DAZAP1: variants seen among roughly 807,000 people sequenced by gnomAD.
The protein encoded by DAZAP1 is DAZ-associated protein 1.
In DAZAP1, 6 loss-of-function variants were observed where a neutral mutation model predicts 60.1. The observed-to-expected ratio is 0.10, with a 90% CI of 0.05 to 0.20. The LOEUF (loss-of-function observed/expected upper bound fraction) is 0.20. Among genes scored for constraint, DAZAP1 ranks in the 10% least tolerant of loss-of-function variants. DAZAP1 has a pLI of 1.00. For synonymous variants in DAZAP1, 235 were observed against 215.9 expected (o/e 1.09, Z -0.78); for missense variants, 366 against 560.4 (o/e 0.65, Z 3.50).
chr19:1,420,391 G>A (rs3207744), intron 4 of DAZAP1, among the ~76,000 whole-genome samples: 1 of 142,080 alleles, frequency 7.0e-6, no homozygotes, highest in South Asian at 2.2e-4. Flanking sequence ...AAACCATCCC[G>A]ACCGTCACGG....
At position 1,407,741 on chromosome 19, in the gene DAZAP1, C is replaced by T; in HGVS notation, c.-33C>T. ...CGGAGGCGGGAGCGAGCGAGGAGGC[C>T]CGGGAGCGCCGAGCGTCGCCGCCGC... On this transcript the variant is annotated 5_prime_UTR_variant, in exon 1 of 12. Transcript: ENST00000233078. 1.9e-6 allele frequency: 2 copies of T among 1,078,856 alleles called. No individual in the cohort carries two copies. The highest frequency in any genetic ancestry group is 4.1e-5 in the South Asian group (1 of 24,280). 66.8% of individuals were successfully genotyped at this position (1,078,856 alleles called of 1,614,324 possible). A position where few individuals can be genotyped will look rare whatever the true frequency, so the allele number is the denominator to read the frequency against.
rs550694188 is a variant in DAZAP1 at position 1,421,037 on chromosome 19, C to T, written c.304-111C>T. 8.2e-4 allele frequency: 740 copies of T among 898,728 alleles called. 7 individuals carry two copies. The highest frequency in any genetic ancestry group is 5.7e-3 in the Middle Eastern group (23 of 4,010). 55.7% of individuals were successfully genotyped at this position (898,728 alleles called of 1,614,324 possible). ...GGGCTTGTGGAGTGTTCTGCTCTGG[C>T]TTTCAGCTGACTCTTTAAACCAGCG... On this transcript the variant is annotated intron_variant, in intron 4 of 11. Coordinates refer to ENST00000233078, the MANE Select transcript of DAZAP1 (RefSeq NM_018959.4).
At position 1,433,748 on chromosome 19, in the gene DAZAP1, C is replaced by T; in HGVS notation, c.1049-989C>T. On this transcript the variant is annotated intron_variant, in intron 11 of 11. Coordinates refer to ENST00000233078, the MANE Select transcript of DAZAP1 (RefSeq NM_018959.4). The surrounding 1 kb of genome is among the most constrained non-coding windows in gnomAD (Gnocchi z 6.1). ...TCTCGTCTCTTGCCAGGCCTGGGTT[C>T]CTATTCTCCAGCCCCGCCGGGCTGC... 6.2e-7 allele frequency: 1 copy of T among 1,613,788 alleles called. No homozygotes were observed. Among genetic ancestry groups the T allele is most frequent in the South Asian group, 1.1e-5 (1 of 91,082 alleles).
In DAZAP1 at chr19:1,434,166, G is replaced by A. The variant is rs536616288; in HGVS notation, c.1049-571G>A. ...CTGAGGTCGGCTGTGTGGGCCGGAC[G>A]GGCTGCAGGGTGTGCTGGCCCCTCA... On this transcript the variant is annotated intron_variant, in intron 11 of 11. Coordinates refer to ENST00000233078, the MANE Select transcript of DAZAP1 (RefSeq NM_018959.4). This position sits in a 1 kb window ranked among gnomAD's most constrained non-coding sequence, Gnocchi z 8.0. 9 of 286,086 alleles carry A rather than the reference G, an allele frequency of 3.1e-5. No homozygotes were observed. In the East Asian group the frequency reaches 4.1e-4, roughly 13 times the overall value. 17.7% of individuals were successfully genotyped at this position (286,086 alleles called of 1,614,324 possible). A position where few individuals can be genotyped will look rare whatever the true frequency, so the allele number is the denominator to read the frequency against.
chr19:1,432,542 G>A lies in DAZAP1; in HGVS notation c.900G>A (p.Pro300=), dbSNP rs150043409. 213 of 1,613,686 alleles carry A rather than the reference G, an allele frequency of 1.3e-4. 1 individual carries two copies. In the African/African-American group the frequency reaches 2.5e-3, roughly 19 times the overall value. The part of the protein sequence containing the change: ...FSFGYGPPPP[P]PDQFAPPGVP... The stretch of plus-strand genomic sequence containing the variant: ...TTGGCTACGGGCCTCCACCTCCACC[G>A]CCAGATCAGTTTGCCCCTCCGGGGG... Residue 300 remains proline, a synonymous_variant, in exon 11 of 12, where the codon CCG becomes CCA. Transcript: ENST00000233078. This position sits in a 1 kb window ranked among gnomAD's most constrained non-coding sequence, Gnocchi z 4.9.
At chr19:1,411,151 C>T (rs142026380) in intron 1 of DAZAP1, among the ~76,000 whole-genome samples, 134 of 152,288 alleles carry the variant, frequency 8.8e-4, no homozygotes, top group African/African-American at 3.2e-3. Context: ...TGTTGCAGTG[C>T]GGGGAGTGAT....
chr19:1,427,377 G>A (rs1055130682), intron 7 of DAZAP1: 1 of 152,268 alleles, frequency 6.6e-6, no homozygotes, highest in South Asian at 2.1e-4. Context: ...CCTCAGTGTG[G>A]GTCTCGCCTT....
intron 1 of DAZAP1, among the ~76,000 whole-genome samples, chr19:1,413,274 G>A (rs545321698): frequency 3.1e-4 from 47 of 152,380 alleles, no homozygotes; most frequent in African/African-American, 1.1e-3. Flanking sequence ...GGACTCCGAC[G>A]TTTACTTGTG....
rs1169316428 is a variant in DAZAP1, at chr19:1,433,534, A to C, written c.1048+844A>C. 7.1e-5 allele frequency: 37 copies of C among 523,802 alleles called. No individual in the cohort carries two copies. The highest frequency in any genetic ancestry group is 1.1e-3 in the Middle Eastern group (2 of 1,884). The allele number at this position is 523,802 out of a possible 1,614,324, so 32.4% of individuals were successfully genotyped here. On this transcript the variant is annotated intron_variant, in intron 11 of 11. Coordinates refer to ENST00000233078, the MANE Select transcript of DAZAP1 (RefSeq NM_018959.4). The surrounding 1 kb of genome is among the most constrained non-coding windows in gnomAD (Gnocchi z 6.1). ...CGAGGTGCCCGCCCACCCACCTCGC[A>C]TGGCTGTGGTTCCCCTGCCCCCACG... is the stretch of plus-strand genomic sequence containing the variant.
At position 1,422,292 on chromosome 19, in the gene DAZAP1, A is replaced by G. The variant is rs1424170752; in HGVS notation, c.415-56A>G. 2.6e-6 allele frequency: 4 copies of G among 1,545,664 alleles called. No individual in the cohort carries two copies. The highest frequency in any genetic ancestry group is 2.7e-6 in the Non-Finnish European group (3 of 1,119,298). On this transcript the variant is annotated intron_variant, in intron 5 of 11. Coordinates refer to ENST00000233078, the MANE Select transcript of DAZAP1 (RefSeq NM_018959.4). The surrounding 1 kb of genome is among the most constrained non-coding windows in gnomAD (Gnocchi z 4.5). ...CGTGGGAACAGGCTGTGCCCTCGGA[A>G]GACCACCTGTGGTGCTGGCCCTGGT...
intron 1 of DAZAP1, among the ~76,000 whole-genome samples, chr19:1,408,841 G>T (rs927110309): frequency 1.3e-5 from 2 of 152,214 alleles, no homozygotes; most frequent in African/African-American, 2.4e-5. Context: ...CCGCAGCGAC[G>T]TCGTTTTAGA....
At chr19:1,409,574 C>A (rs547080398) in intron 1 of DAZAP1, among the ~76,000 whole-genome samples, 8 of 152,362 alleles carry the variant, frequency 5.3e-5, no homozygotes, top group African/African-American at 1.9e-4. Context: ...CCACTGCTTT[C>A]TAAGTCAGAC....
rs1352073438 is a variant in DAZAP1 at position 1,418,059 on chromosome 19, T to G, written c.71-145T>G. On this transcript the variant is annotated intron_variant, in intron 2 of 11. Transcript: ENST00000233078. This position sits in a 1 kb window ranked among gnomAD's most constrained non-coding sequence, Gnocchi z 5.7. ...TGTGTTGGGCAGAATTCCCCAGCGC[T>G]TCCCGTACACCCCCCACCCCCAGTG... is the stretch of plus-strand genomic sequence containing the variant. 2 of 774,352 alleles carry G rather than the reference T, an allele frequency of 2.6e-6. No homozygotes were observed. The highest frequency in any genetic ancestry group is 4.1e-6 in the Non-Finnish European group (2 of 483,074). The allele number at this position is 774,352 out of a possible 1,614,324, so 48.0% of individuals were successfully genotyped here.
rs2083566999 is a variant in DAZAP1, at chr19:1,435,136, A to G, written c.*224A>G. The G allele has an allele frequency of 6.2e-6, 2 of 323,386 alleles. No individual in the cohort carries two copies. Among genetic ancestry groups the G allele is most frequent in the Admixed American group, 9.7e-5 (2 of 20,638 alleles). 20.0% of individuals were successfully genotyped at this position (323,386 alleles called of 1,614,324 possible). A position where few individuals can be genotyped will look rare whatever the true frequency, so the allele number is the denominator to read the frequency against. On this transcript the variant is annotated 3_prime_UTR_variant, in exon 12 of 12. Coordinates refer to ENST00000233078, the MANE Select transcript of DAZAP1 (RefSeq NM_018959.4). The stretch of plus-strand genomic sequence containing the variant: ...AATAAAAAAAAGTCACTGGTTCAAC[A>G]ACAGGGTTTAAAAAAAATGTCTTCA...
rs951356488 is a variant in DAZAP1 at position 1,416,279 on chromosome 19, C to G, written c.30-1221C>G. On this transcript the variant is annotated intron_variant, in intron 1 of 11. Coordinates refer to ENST00000233078, the MANE Select transcript of DAZAP1 (RefSeq NM_018959.4). The surrounding 1 kb of genome is among the most constrained non-coding windows in gnomAD (Gnocchi z 4.3). The stretch of plus-strand genomic sequence containing the variant: ...TGGTTGGCCGTCAGGGATACAGGGC[C>G]CCGCGTGGGAATGGTGCTTTCAGTG... 6.6e-6 allele frequency: 1 copy of G among 152,222 alleles called. No individual in the cohort carries two copies. Among genetic ancestry groups the G allele is most frequent in the Non-Finnish European group, 1.5e-5 (1 of 68,066 alleles). The allele number at this position is 152,222 out of a possible 1,614,324, so 9.4% of individuals were successfully genotyped here. A position where few individuals can be genotyped will look rare whatever the true frequency, so the allele number is the denominator to read the frequency against.
At position 1,425,995 on chromosome 19, in the gene DAZAP1, A is replaced by C; in HGVS notation, c.546+35A>C. On this transcript the variant is annotated intron_variant, in intron 7 of 11. Transcript: ENST00000233078. This position sits in a 1 kb window ranked among gnomAD's most constrained non-coding sequence, Gnocchi z 5.4. The stretch of plus-strand genomic sequence containing the variant: ...TGTAGTTTTATTTTACCTTAAGACC[A>C]AACCAAGTCTTAGGCAACTTAGGGG... The C allele has an allele frequency of 6.9e-7, 1 of 1,457,584 alleles. No homozygotes were observed. Among genetic ancestry groups the C allele is most frequent in the Non-Finnish European group, 9.6e-7 (1 of 1,037,274 alleles). The allele number at this position is 1,457,584 out of a possible 1,614,324, so 90.3% of individuals were successfully genotyped here.
rs745358333 is a variant in DAZAP1, at chr19:1,433,722, G to C, written c.1049-1015G>C. 2.5e-6 allele frequency: 4 copies of C among 1,611,618 alleles called. No homozygotes were observed. The highest frequency in any genetic ancestry group is 3.4e-6 in the Non-Finnish European group (4 of 1,178,328). On this transcript the variant is annotated intron_variant, in intron 11 of 11. Coordinates refer to ENST00000233078, the MANE Select transcript of DAZAP1 (RefSeq NM_018959.4). This position sits in a 1 kb window ranked among gnomAD's most constrained non-coding sequence, Gnocchi z 6.1. ...GCGGCTGCTTGGGTTGGTCACCCTGGTCTCGTCTCTTGCCAGGCCTGGGTT... is the reference window on the plus strand; with the variant it reads ...GCGGCTGCTTGGGTTGGTCACCCTGCTCTCGTCTCTTGCCAGGCCTGGGTT...
intron 1 of DAZAP1, chr19:1,409,823 ACG>A (rs2082773868): frequency 6.6e-6 from 1 of 152,164 alleles, no homozygotes; most frequent in Non-Finnish European, 1.5e-5. Flanking sequence ...GGCTCTCAGG[ACG>A]CCATGGGTCT....
Position 1,433,378 on chromosome 19 carries a change from C to T in DAZAP1, c.1048+688C>T. 3.4e-6 allele frequency: 1 copy of T among 298,048 alleles called. No individual in the cohort carries two copies. The highest frequency in any genetic ancestry group is 8.7e-5 in the East Asian group (1 of 11,506). The allele number at this position is 298,048 out of a possible 1,614,324, so 18.5% of individuals were successfully genotyped here. ...CAACTACGGTCAGCTCCTCCAGCACCAGGGGTCATTCACAAGCAGGGTTTG... is the reference window on the plus strand; with the variant it reads ...CAACTACGGTCAGCTCCTCCAGCACTAGGGGTCATTCACAAGCAGGGTTTG... On this transcript the variant is annotated intron_variant, in intron 11 of 11. Coordinates refer to ENST00000233078, the MANE Select transcript of DAZAP1 (RefSeq NM_018959.4). This position sits in a 1 kb window ranked among gnomAD's most constrained non-coding sequence, Gnocchi z 6.1.
Sources: allele counts gnomAD v4.1 joint callset (sites outside exome capture counted in the v4.1 genomes callset), GRCh38; gene constraint gnomAD v4.1.1; non-coding constraint Gnocchi (gnomAD v3.1); transcripts MANE v1.5; gene names NCBI Gene and HGNC (gene_info 2026-07-23, HGNC 2026-07-21).